The following NECTIN4 variants were observed in gnomAD, a reference collection of about 807,000 sequenced individuals.
The protein encoded by NECTIN4 is nectin cell adhesion molecule 4, also known as nectin-4.
NECTIN4 carries 19 observed loss-of-function variants against 51.7 expected under a neutral mutation model. The ratio of observed to expected loss-of-function variants is 0.37; its 90% CI spans 0.26 to 0.54. The LOEUF is 0.54. NECTIN4 is among the 20% of genes least tolerant of loss of function. The pLI is 0.86. For missense variants in NECTIN4, 619 were observed against 662.4 expected (o/e 0.93, Z 0.72); for synonymous variants, 283 against 286.9 (o/e 0.99, Z 0.14).
In NECTIN4 at chr1:161,077,597, AG is replaced by A. The variant is rs1334361593; in HGVS notation, c.585del (p.Phe196SerfsTer21). The stretch of plus-strand genomic sequence containing the variant: ...ACGGCAGCAGAGCGGGAGTGCTTGA[AG>A]GAACGGCTGGACGTTGTGCCTTTGA... ...TEVKGTTSSR[S>X]FKHSRSAAVT... is the part of the protein sequence containing the mutation. On this transcript the variant is annotated frameshift_variant, in exon 3 of 9. Transcript: ENST00000368012. LOFTEE classifies it high-confidence loss of function. 1.2e-6 allele frequency: 2 copies of A among 1,613,916 alleles called. No homozygotes were observed. The highest frequency in any genetic ancestry group is 1.7e-6 in the Non-Finnish European group (2 of 1,180,034).
At chr1:161,084,423 GC>G (rs1653834659) in intron 1 of NECTIN4, 1 of 152,326 alleles carries the variant, frequency 6.6e-6, no homozygotes, top group Non-Finnish European at 1.5e-5. Context: ...TGTCTCAGCT[GC>G]CCTTGGTCTG....
At chr1:161,081,511 G>T (rs1571155400) in intron 1 of NECTIN4, among the ~76,000 whole-genome samples, 1 of 152,138 alleles carries the variant, frequency 6.6e-6, no homozygotes, top group East Asian at 1.9e-4. Context: ...TTTTTGGGAA[G>T]AAATAAATTT....
intron 5 of NECTIN4, 111 bp from the exon 6 acceptor site, chr1:161,074,484 C>A: frequency 1.3e-6 from 2 of 1,580,518 alleles, no homozygotes; most frequent in Non-Finnish European, 1.7e-6. Flanking sequence ...TGATTCTCTG[C>A]AAGACACACA....
Position 161,089,280 on chromosome 1 carries a change from C to T in NECTIN4, c.17G>A (p.Gly6Glu), listed in dbSNP as rs1199945260. Residue 6 changes from glycine (G) to glutamate (E), a missense_variant, in exon 1 of 9, where the codon GGA becomes GAA. Gly to Glu is a moderately conservative substitution (Grantham distance 98). Coordinates refer to ENST00000368012, the MANE Select transcript of NECTIN4 (RefSeq NM_030916.3). This position sits in a 1 kb window ranked among gnomAD's most constrained non-coding sequence, Gnocchi z 4.1. ...GGCCTCAGGCCCCCACATCTCGGCTCCCAGGGACAGGGGCATGGTTGAAAG... is the reference window on the plus strand; with the variant it reads ...GGCCTCAGGCCCCCACATCTCGGCTTCCAGGGACAGGGGCATGGTTGAAAG... Reference protein sequence around the residue: MPLSLGAEMWGPEAWL... With the variant: MPLSLEAEMWGPEAWL... 2 of 1,610,444 alleles carry T rather than the reference C, an allele frequency of 1.2e-6. No individual in the cohort carries two copies. The highest frequency in any genetic ancestry group is 8.5e-7 in the Non-Finnish European group (1 of 1,179,968).
At chr1:161,079,285 T>C (rs1653556269) in intron 2 of NECTIN4, among the ~76,000 whole-genome samples, 1 of 152,094 alleles carries the variant, frequency 6.6e-6, no homozygotes, top group African/African-American at 2.4e-5. Context: ...TTTGGAAAGG[T>C]TGTTGTGCAG....
Position 161,073,766 on chromosome 1 carries a change from T to C in NECTIN4, c.1187A>G (p.Asn396Ser). 6.2e-7 allele frequency: 1 copy of C among 1,614,074 alleles called. No homozygotes were observed. Among genetic ancestry groups the C allele is most frequent in the Non-Finnish European group, 8.5e-7 (1 of 1,179,996 alleles). ...ATGGGAATGCAGCCTCCGGATGGAGTTCTCCCTGGTCAGGGTCAGCTCCTC... is the reference window on the plus strand; with the variant it reads ...ATGGGAATGCAGCCTCCGGATGGAGCTCTCCCTGGTCAGGGTCAGCTCCTC... ...YEEELTLTRE[N>S]SIRRLHSHHT... The change falls in exon 7 of 9, where the codon AAC becomes AGC. Residue 396 changes from asparagine to serine, a missense_variant. Transcript: ENST00000368012.
At chr1:161,077,395 T>A in intron 3 of NECTIN4, 58 bp downstream of exon 3, 3 of 1,597,312 alleles carry the variant, frequency 1.9e-6, no homozygotes, top group Non-Finnish European at 2.6e-6. Flanking sequence ...ACCTGTGGCA[T>A]CTCACCAATC....
At chr1:161,088,800 G>A (rs904650284) in intron 1 of NECTIN4, among the ~76,000 whole-genome samples, 2 of 152,190 alleles carry the variant, frequency 1.3e-5, no homozygotes, top group African/African-American at 2.4e-5. Context: ...TGAGCTCTGA[G>A]TCAGCCCCAG....
chr1:161,076,209 G>A, intron 4 of NECTIN4, 146 bp downstream of exon 4: 3 of 852,272 alleles, frequency 3.5e-6, no homozygotes, highest in Non-Finnish European at 5.5e-6. Context: ...TGTATGATGA[G>A]TATAATAATA....
chr1:161,074,519 T>C (rs530731612), intron 5 of NECTIN4, 92 bp downstream of exon 5: 1 of 1,584,740 alleles, frequency 6.3e-7, no homozygotes, highest in South Asian at 1.1e-5. Context: ...GAATAAACAC[T>C]TTCCCAATTC....
chr1:161,088,823 G>A (rs528998575), intron 1 of NECTIN4, among the ~76,000 whole-genome samples: 46 of 152,246 alleles, frequency 3.0e-4, no homozygotes, highest in African/African-American at 4.6e-4. Context: ...CCAGGCAGCC[G>A]TTCCAGAGCC....
chr1:161,085,859 A>AT (rs557047581), intron 1 of NECTIN4, among the ~76,000 whole-genome samples: 186 of 151,976 alleles, frequency 1.2e-3, no homozygotes, highest in African/African-American at 4.0e-3. Context: ...TAACTTTTGT[A>AT]TTTTTTGTAG....
chr1:161,072,799 A>T lies in NECTIN4; in HGVS notation c.1395T>A (p.Ser465=). 6.2e-7 allele frequency: 1 copy of T among 1,614,196 alleles called. No homozygotes were observed. Among genetic ancestry groups the T allele is most frequent in the Middle Eastern group, 1.6e-4 (1 of 6,062 alleles). Residue 465 remains serine (S), a synonymous_variant, in exon 9 of 9, where the codon TCT becomes TCA. Transcript: ENST00000368012. ...GATCTTCCTCCTCCTCGGCCCGCCCAGAGCCTGGAGACAGCAGTTCAGTCT... is the reference window on the plus strand; with the variant it reads ...GATCTTCCTCCTCCTCGGCCCGCCCTGAGCCTGGAGACAGCAGTTCAGTCT... ...ETQTELLSPG[S]GRAEEEEDQD...
chr1:161,087,687 T>C (rs898119656), intron 1 of NECTIN4: 1 of 151,986 alleles, frequency 6.6e-6, no homozygotes, highest in African/African-American at 2.4e-5. Flanking sequence ...ACACTGGCTC[T>C]TCTGGGGGTA....
In NECTIN4 at chr1:161,073,696, C is replaced by T. The variant is rs779627367; in HGVS notation, c.1233+24G>A. 4.4e-6 allele frequency: 7 copies of T among 1,603,952 alleles called. 1 individual carries two copies. The South Asian group carries it at 7.7e-5, about 18-fold the overall frequency. On this transcript the variant is annotated intron_variant, in intron 7 of 8. Transcript: ENST00000368012. ...CCCAATGCGACCACACCCCTGCATG[C>T]ATACACCCAACCTTGGCACACACCT...
chr1:161,088,084 T>A (rs751458470), intron 1 of NECTIN4, among the ~76,000 whole-genome samples: 5 of 152,104 alleles, frequency 3.3e-5, no homozygotes, highest in African/African-American at 4.8e-5. Context: ...GAGCTCAGTA[T>A]CCTACGACTG....
chr1:161,081,814 A>T (rs1310592637), intron 1 of NECTIN4, among the ~76,000 whole-genome samples: 2 of 40,560 alleles, frequency 4.9e-5, no homozygotes, highest in Admixed American at 2.8e-4. Context: ...TCCCACCCCC[A>T]CCCCAGGCAG....
chr1:161,078,845 A>T (rs991882720), intron 2 of NECTIN4, among the ~76,000 whole-genome samples: 3 of 151,984 alleles, frequency 2.0e-5, no homozygotes, highest in South Asian at 4.2e-4. Flanking sequence ...CCTTGTCTCT[A>T]CTAAAAATAC....
At chr1:161,081,704 G>A (rs536846866) in intron 1 of NECTIN4, among the ~76,000 whole-genome samples, 3 of 152,082 alleles carry the variant, frequency 2.0e-5, no homozygotes, top group South Asian at 2.1e-4. Context: ...TGCTCACACC[G>A]TACCCGCTGC....
Sources: allele counts gnomAD v4.1 joint callset (sites outside exome capture counted in the v4.1 genomes callset), GRCh38; gene constraint gnomAD v4.1.1; non-coding constraint Gnocchi (gnomAD v3.1); transcripts MANE v1.5; gene names NCBI Gene and HGNC (gene_info 2026-07-23, HGNC 2026-07-21).